The following PDCL2 variants were observed in gnomAD, a reference collection of about 807,000 sequenced individuals.
PDCL2 encodes the protein phosducin-like protein 2.
A neutral mutation model predicts 30.3 loss-of-function variants in PDCL2; 23 were observed. The ratio of observed to expected loss-of-function variants is 0.76; its 90% CI spans 0.55 to 1.08. The LOEUF is 1.08. PDCL2 is among the 50% of genes least tolerant of loss of function. PDCL2 has a pLI of 0.00. For missense variants in PDCL2, 243 were observed against 282.3 expected, an observed-to-expected ratio of 0.86 and a Z score of 1.00; for synonymous variants, 68 against 86.2, an observed-to-expected ratio of 0.79 and a Z score of 1.17.
intron 1 of PDCL2, among the ~76,000 whole-genome samples, chr4:55,591,153 A>C (rs901218565): frequency 1.3e-5 from 2 of 152,226 alleles, no homozygotes; most frequent in South Asian, 2.1e-4. Flanking sequence ...GATGTTCAAA[A>C]TATCCTAATA....
intron 3 of PDCL2, among the ~76,000 whole-genome samples, chr4:55,574,507 G>A (rs1445574622): frequency 6.6e-6 from 1 of 152,188 alleles, no homozygotes; most frequent in Non-Finnish European, 1.5e-5. Context: ...AGATTATGTA[G>A]CCCCTAATGA....
intron 1 of PDCL2, among the ~76,000 whole-genome samples, chr4:55,589,901 G>C (rs1732953918): frequency 6.6e-6 from 1 of 151,942 alleles, no homozygotes; most frequent in Admixed American, 6.6e-5. Flanking sequence ...GGTACATTAA[G>C]AGTAAGCTTT....
At chr4:55,558,187 T>G (rs77141336) in intron 5 of PDCL2, among the ~76,000 whole-genome samples, 3,799 of 152,140 alleles carry the variant, frequency 0.025, 85 homozygotes, top group Non-Finnish European at 0.041. Flanking sequence ...AATTGCATTT[T>G]CTTACAGAAA....
intron 4 of PDCL2, among the ~76,000 whole-genome samples, chr4:55,565,973 G>GTTTTTTTTTTTTT (rs71194595): frequency 1.3e-5 from 1 of 74,494 alleles, no homozygotes; most frequent in Non-Finnish European, 2.4e-5. Flanking sequence ...CCATTTTTCT[G>GTTTTTTTTTTTTT]TTTTTTTTTT....
chr4:55,591,457 C>T (rs1295743042), intron 1 of PDCL2, among the ~76,000 whole-genome samples: 1 of 152,188 alleles, frequency 6.6e-6, no homozygotes, highest in Non-Finnish European at 1.5e-5. Flanking sequence ...GGTGCAATCT[C>T]GGCTCACTGA....
chr4:55,564,632 A>G (rs1163745899), intron 4 of PDCL2, among the ~76,000 whole-genome samples: 1 of 152,186 alleles, frequency 6.6e-6, no homozygotes, highest in African/African-American at 2.4e-5. Context: ...AAGCTAAATC[A>G]TTGGGCTTAC....
chr4:55,579,715 G>A (rs556724006), intron 3 of PDCL2, among the ~76,000 whole-genome samples: 27 of 151,192 alleles, frequency 1.8e-4, no homozygotes, highest in African/African-American at 5.7e-4. Context: ...TTGTTTTGTA[G>A]AGACAGGGTC....
At chr4:55,584,255 T>TG (rs1405653916) in intron 1 of PDCL2, among the ~76,000 whole-genome samples, 1 of 151,184 alleles carries the variant, frequency 6.6e-6, no homozygotes, top group Non-Finnish European at 1.5e-5. Context: ...TTGTTGTTGT[T>TG]TTGTTTTGTT....
In PDCL2 at chr4:55,571,585, G is replaced by C. The variant is rs533799978; in HGVS notation, c.219-1724C>G. 4.7e-5 allele frequency among the ~76,000 whole-genome samples: 3 copies of C among 63,848 alleles called. 1 individual carries two copies. Among genetic ancestry groups the C allele is most frequent in the African/African-American group, 8.3e-5 (1 of 12,032 alleles). 41.9% of individuals were successfully genotyped at this position (63,848 alleles called of 152,430 possible). A position where few individuals can be genotyped will look rare whatever the true frequency, so the allele number is the denominator to read the frequency against. On this transcript the variant is annotated intron_variant, in intron 3 of 5. Transcript: ENST00000295645. ...GCCTGTGGTCCCAGCTACTCGGGAG[G>C]CTGAGGCAGGAGAATCACTTGAACC...
chr4:55,584,042 A>C (rs1242685848), intron 1 of PDCL2, among the ~76,000 whole-genome samples: 1 of 152,204 alleles, frequency 6.6e-6, no homozygotes, highest in Non-Finnish European at 1.5e-5. Flanking sequence ...ATGAACATGG[A>C]ATATCTTCCT....
At chr4:55,583,409 T>C (rs1732778673) in intron 1 of PDCL2, among the ~76,000 whole-genome samples, 1 of 152,204 alleles carries the variant, frequency 6.6e-6, no homozygotes, top group African/African-American at 2.4e-5. Flanking sequence ...GTGCAGAAGC[T>C]TTTTAGTTCG....
chr4:55,569,455 A>G (rs187482462), intron 4 of PDCL2, among the ~76,000 whole-genome samples: 2 of 152,288 alleles, frequency 1.3e-5, no homozygotes, highest in Non-Finnish European at 2.9e-5. Context: ...ATTCTATAAT[A>G]AAAAGTTTTT....
intron 4 of PDCL2, among the ~76,000 whole-genome samples, chr4:55,566,227 C>T (rs1400903814): frequency 2.6e-5 from 4 of 151,906 alleles, no homozygotes; most frequent in Admixed American, 2.0e-4. Context: ...GGTGATCCGC[C>T]CGCCTCGGCC....
intron 1 of PDCL2, among the ~76,000 whole-genome samples, chr4:55,585,263 C>T (rs1732830376): frequency 6.6e-6 from 1 of 152,156 alleles, no homozygotes; most frequent in South Asian, 2.1e-4. Flanking sequence ...TGCAGTGGCT[C>T]ATGCCTATAA....
intron 5 of PDCL2, among the ~76,000 whole-genome samples, chr4:55,556,969 A>G (rs1439063293): frequency 6.6e-6 from 1 of 152,028 alleles, no homozygotes; most frequent in Non-Finnish European, 1.5e-5. Context: ...GAGTAGCTGC[A>G]ATTACAGGTG....
intron 4 of PDCL2, among the ~76,000 whole-genome samples, chr4:55,565,525 T>G (rs2110154815): frequency 6.6e-6 from 1 of 152,214 alleles, no homozygotes; most frequent in Non-Finnish European, 1.5e-5. Flanking sequence ...TCATGAGAAC[T>G]CACTCATTAT....
rs869107656 is a variant in PDCL2, at chr4:55,587,216, TAAAAAAAAAAA to T, written c.6+4877_6+4887del. Among the ~76,000 whole-genome samples the T allele has an allele frequency of 5.3e-4, 33 of 62,820 alleles. 2 individuals carry two copies. Among genetic ancestry groups the T allele is most frequent in the Non-Finnish European group, 1.9e-4 (7 of 37,452 alleles). 41.2% of individuals were successfully genotyped at this position (62,820 alleles called of 152,430 possible). A position where few individuals can be genotyped will look rare whatever the true frequency, so the allele number is the denominator to read the frequency against. On this transcript the variant is annotated intron_variant, in intron 1 of 5. Coordinates refer to ENST00000295645, the MANE Select transcript of PDCL2 (RefSeq NM_152401.3). ...CCTCACGTGGCAAAAGACAGAATAG[TAAAAAAAAAAA>T]AAAAAAAAAAAAAAAAAAAGGGACA...
rs1400780025 is a variant in PDCL2, at chr4:55,580,824, T to C, written c.215A>G (p.Tyr72Cys). ...TAACCCAAATGAATCACTGTACCTA[T>C]ATGTTTCAACAGCCTGCATATCTTC... ...DEEDMQAVETYRKKRLQEWKA... is the reference protein window; with the variant it reads ...DEEDMQAVETCRKKRLQEWKA... Residue 72 changes from tyrosine (Y) to cysteine (C), a missense_variant, in exon 3 of 6, where the codon TAT becomes TGT. Coordinates refer to ENST00000295645, the MANE Select transcript of PDCL2 (RefSeq NM_152401.3). 2 of 1,602,044 alleles carry C rather than the reference T, an allele frequency of 1.2e-6. No individual in the cohort carries two copies. The highest frequency in any genetic ancestry group is 2.2e-5 in the East Asian group (1 of 44,480).
In PDCL2 at chr4:55,562,503, C is replaced by A. The variant is rs773536078; in HGVS notation, c.472G>T (p.Asp158Tyr). 6.3e-7 allele frequency: 1 copy of A among 1,582,034 alleles called. No homozygotes were observed. Among genetic ancestry groups the A allele is most frequent in the Non-Finnish European group, 8.6e-7 (1 of 1,165,042 alleles). The change falls in exon 5 of 6, where the codon GAC (aspartate) becomes TAC (tyrosine). Residue 158 changes from aspartate to tyrosine, a missense_variant. By Grantham distance (160) the Asp-to-Tyr change is radical. Coordinates refer to ENST00000295645, the MANE Select transcript of PDCL2 (RefSeq NM_152401.3). ...IVNSCIQHYH[D>Y]NCLPTIFVYK... The stretch of plus-strand genomic sequence containing the variant: ...ACAAAAATTGTTGGTAAACAATTGT[C>A]ATGGTAGTGTTGAATACAGCTATTC...
Sources: allele counts gnomAD v4.1 joint callset (sites outside exome capture counted in the v4.1 genomes callset), GRCh38; gene constraint gnomAD v4.1.1; transcripts MANE v1.5; gene names NCBI Gene and HGNC (gene_info 2026-07-23, HGNC 2026-07-21).